The following JMY variants were observed in gnomAD, a reference collection of about 807,000 sequenced individuals.
The protein encoded by JMY is junction mediating and regulatory protein, p53 cofactor, also known as junction-mediating and -regulatory protein.
In JMY, 46 loss-of-function variants were observed where a neutral mutation model predicts 103.3. The ratio of observed to expected loss-of-function variants is 0.45; its 90% CI spans 0.35 to 0.57. JMY has a LOEUF of 0.57. Ranked by LOEUF, JMY falls within the 20% of genes least tolerant of loss-of-function variation. The probability of loss-of-function intolerance (pLI) is 0.00; values close to 1 mark genes in which losing one functional copy is unlikely to be tolerated. For synonymous variants in JMY, 526 were observed against 489.3 expected (o/e 1.07, Z -0.99); for missense variants, 1,238 against 1,255.2 (o/e 0.99, Z 0.21).
intron 1 of JMY, among the ~76,000 whole-genome samples, chr5:79,277,260 G>A (rs1260578593): frequency 6.6e-6 from 1 of 152,090 alleles, no homozygotes; most frequent in African/African-American, 2.4e-5. Flanking sequence ...TTTGAAGGAG[G>A]TGACAGGTAG....
intron 10 of JMY, among the ~76,000 whole-genome samples, chr5:79,318,761 TAGAGAGAGAGAG>T (rs3081332): frequency 3.0e-4 from 16 of 53,604 alleles, no homozygotes; most frequent in South Asian, 1.4e-3. Flanking sequence ...TATATATATA[TAGAGAGAGAGAG>T]AGAGAGAGAG....
chr5:79,310,873 G>A (rs1312201821), intron 7 of JMY, among the ~76,000 whole-genome samples: 1 of 152,104 alleles, frequency 6.6e-6, no homozygotes, highest in African/African-American at 2.4e-5. Context: ...ATACATGGTG[G>A]CTCCTGTCTG....
chr5:79,258,330 T>TG (rs1413462392), intron 1 of JMY, among the ~76,000 whole-genome samples: 8 of 138,508 alleles, frequency 5.8e-5, no homozygotes, highest in African/African-American at 1.8e-4. Flanking sequence ...TTTTTTTTTT[T>TG]GACAGGGTCT....
At chr5:79,265,663 G>C (rs1745564829) in intron 1 of JMY, among the ~76,000 whole-genome samples, 1 of 152,138 alleles carries the variant, frequency 6.6e-6, no homozygotes, top group East Asian at 1.9e-4. Flanking sequence ...TTATTAGAAT[G>C]TGCTGCATTT....
chr5:79,266,919 ATTTC>A (rs1239609317), intron 1 of JMY, among the ~76,000 whole-genome samples: 1 of 152,162 alleles, frequency 6.6e-6, no homozygotes, highest in Non-Finnish European at 1.5e-5. Flanking sequence ...ATTTTGAATG[ATTTC>A]TTTGTTTTAC....
intron 6 of JMY, among the ~76,000 whole-genome samples, chr5:79,305,676 A>G (rs1746859941): frequency 6.6e-6 from 1 of 150,468 alleles, no homozygotes; most frequent in Non-Finnish European, 1.5e-5. Flanking sequence ...TGGAAAATAT[A>G]TGCTTTTTTT....
At chr5:79,243,042 A>G (rs1410802159) in intron 1 of JMY, among the ~76,000 whole-genome samples, 2 of 152,202 alleles carry the variant, frequency 1.3e-5, no homozygotes, top group African/African-American at 4.8e-5. Flanking sequence ...GGTGTTGCCT[A>G]GTGGTGCAAG....
At position 79,290,155 on chromosome 5, in the gene JMY, G is replaced by A; in HGVS notation, c.1241G>A (p.Arg414Lys). 1.3e-6 allele frequency: 2 copies of A among 1,595,198 alleles called. No homozygotes were observed. Among genetic ancestry groups the A allele is most frequent in the Middle Eastern group, 1.7e-4 (1 of 5,990 alleles). ...GAGAATGATTATCTGGGACCTCGAA[G>A]AATTGAGAGTCTACAAAAAGAAGAT... ...SMENDYLGPRRIESLQKEDAD... is the reference protein window; with the variant it reads ...SMENDYLGPRKIESLQKEDAD... The change falls in exon 3 of 11, where the codon AGA becomes AAA. Residue 414 changes from arginine (R) to lysine (K), a missense_variant. Arg to Lys is a conservative substitution (Grantham distance 26, BLOSUM62 2). Coordinates refer to ENST00000396137, the MANE Select transcript of JMY (RefSeq NM_152405.5).
intron 4 of JMY, among the ~76,000 whole-genome samples, chr5:79,294,582 C>A (rs1461285201): frequency 6.6e-6 from 1 of 151,988 alleles, no homozygotes; most frequent in South Asian, 2.1e-4. Flanking sequence ...CAGGGCCAGG[C>A]GCAGTGGCTT....
In JMY at chr5:79,326,295, G is replaced by A. The variant is rs1001425791; in HGVS notation, c.*4693G>A. On this transcript the variant is annotated 3_prime_UTR_variant, in exon 11 of 11. Transcript: ENST00000396137. ...AGTGATGTGTAGATGAAAACACAAG[G>A]TATGGATGTTGGTTACAGAGTTCAG... The A allele has an allele frequency of 6.6e-6, 1 of 151,542 alleles. No individual in the cohort carries two copies. The highest frequency in any genetic ancestry group is 1.5e-5 in the Non-Finnish European group (1 of 67,892). The allele number at this position is 151,542 out of a possible 1,614,324, so 9.4% of individuals were successfully genotyped here.
rs1228727541 is a variant in JMY, at chr5:79,236,794, C to T, written c.144C>T (p.Asn48=). The change falls in exon 1 of 11, where the codon AAC becomes AAT. Residue 48 remains asparagine, a synonymous_variant. Coordinates refer to ENST00000396137, the MANE Select transcript of JMY (RefSeq NM_152405.5). The part of the protein sequence containing the change: ...IEGKFAITCH[N]RTAQRQRSGS... ...GCAAGTTTGCCATAACCTGCCACAACCGGACGGCCCAGAGGCAGAGGAGCG... is the reference window on the plus strand; with the variant it reads ...GCAAGTTTGCCATAACCTGCCACAATCGGACGGCCCAGAGGCAGAGGAGCG... The T allele has an allele frequency of 6.6e-7, 1 of 1,510,576 alleles. No homozygotes were observed. The highest frequency in any genetic ancestry group is 1.4e-5 in the African/African-American group (1 of 69,154). 93.6% of individuals were successfully genotyped at this position (1,510,576 alleles called of 1,614,324 possible).
intron 1 of JMY, among the ~76,000 whole-genome samples, chr5:79,243,704 T>G (rs1039092456): frequency 3.3e-5 from 5 of 152,354 alleles, no homozygotes; most frequent in Admixed American, 2.6e-4. Flanking sequence ...TGTGGGATTC[T>G]TAAAGTATTG....
intron 1 of JMY, among the ~76,000 whole-genome samples, chr5:79,252,347 T>C (rs1278577980): frequency 6.6e-6 from 1 of 151,954 alleles, no homozygotes; most frequent in Admixed American, 6.6e-5. Context: ...GTTTTTTTTT[T>C]TTTTTTTAAT....
chr5:79,250,721 C>G (rs1745061142), intron 1 of JMY, among the ~76,000 whole-genome samples: 1 of 146,172 alleles, frequency 6.8e-6, no homozygotes, highest in Admixed American at 6.9e-5. Context: ...TCACACTTCA[C>G]TAGAAATTTT....
chr5:79,258,726 G>A (rs1745330723), intron 1 of JMY, among the ~76,000 whole-genome samples: 2 of 152,152 alleles, frequency 1.3e-5, no homozygotes, highest in South Asian at 2.1e-4. Context: ...TGTGGTGCCT[G>A]GAAGCTTGGA....
intron 1 of JMY, among the ~76,000 whole-genome samples, chr5:79,272,152 A>G (rs1428540330): frequency 6.6e-6 from 1 of 151,090 alleles, no homozygotes. Context: ...TATCTCCAGT[A>G]ATACTCTATA....
rs1429217829 is a variant in JMY, at chr5:79,324,419, G to C, written c.*2817G>C. 2.0e-5 allele frequency: 3 copies of C among 152,122 alleles called. No homozygotes were observed. Among genetic ancestry groups the C allele is most frequent in the African/African-American group, 7.2e-5 (3 of 41,418 alleles). The allele number at this position is 152,122 out of a possible 1,614,324, so 9.4% of individuals were successfully genotyped here. On this transcript the variant is annotated 3_prime_UTR_variant, in exon 11 of 11. Transcript: ENST00000396137. ...TATCCACAAACCGCTGTTTGCTTAT[G>C]CTGAGTCAATTTAGAAGTTAATTTC...
Position 79,236,645 on chromosome 5 carries a change from G to C in JMY, c.-6G>C. On this transcript the variant is annotated 5_prime_UTR_variant, in exon 1 of 11. Transcript: ENST00000396137. ...CCCTTCCCCGCGGCGAGAAGCCGGA[G>C]CCACCATGTCGTTCGCGCTGGAGGA... is the stretch of plus-strand genomic sequence containing the variant. The C allele has an allele frequency of 7.2e-7, 1 of 1,394,292 alleles. No homozygotes were observed. The highest frequency in any genetic ancestry group is 1.5e-5 in the African/African-American group (1 of 67,590). The allele number at this position is 1,394,292 out of a possible 1,614,324, so 86.4% of individuals were successfully genotyped here.
intron 4 of JMY, among the ~76,000 whole-genome samples, chr5:79,292,580 C>G (rs1036744569): frequency 1.4e-4 from 22 of 152,170 alleles, no homozygotes; most frequent in African/African-American, 4.3e-4. Flanking sequence ...ATCTGTCTCC[C>G]AAGGTGCTGG....
Sources: allele counts gnomAD v4.1 joint callset (sites outside exome capture counted in the v4.1 genomes callset), GRCh38; gene constraint gnomAD v4.1.1; transcripts MANE v1.5; gene names NCBI Gene and HGNC (gene_info 2026-07-23, HGNC 2026-07-21).